The following EXOC2 variants were observed in gnomAD, a reference collection of about 807,000 sequenced individuals.
EXOC2 encodes the protein SEC5-like 1.
In EXOC2, 70 loss-of-function variants were observed where a neutral mutation model predicts 131.8. The observed-to-expected ratio is 0.53, with a 90% CI of 0.44 to 0.65. The LOEUF (loss-of-function observed/expected upper bound fraction) is 0.65. EXOC2 is among the 30% of genes least tolerant of loss of function. The pLI, the probability that EXOC2 is intolerant of heterozygous loss-of-function variation, is 0.00. For synonymous variants in EXOC2, 411 were observed against 398.4 expected, an observed-to-expected ratio of 1.03 and a Z score of -0.38; for missense variants, 923 against 1,108.6, an observed-to-expected ratio of 0.83 and a Z score of 2.38.
At chr6:658,651 ATATATATATATATATT>A in intron 1 of EXOC2, among the ~76,000 whole-genome samples, 2 of 75,816 alleles carry the variant, frequency 2.6e-5, no homozygotes, top group African/African-American at 8.5e-5. Flanking sequence ...TATTTTATAT[ATATATATATATATATT>A]TTTTTTTTTT....
At chr6:579,655 A>T (rs1029262773) in intron 11 of EXOC2, among the ~76,000 whole-genome samples, 3 of 152,248 alleles carry the variant, frequency 2.0e-5, no homozygotes, top group Non-Finnish European at 4.4e-5. Flanking sequence ...TCAAAAAATA[A>T]TCTCAGAATG....
At chr6:654,837 A>AAAAAAAAAAAAAAAG (rs1762996645) in intron 1 of EXOC2, among the ~76,000 whole-genome samples, 1 of 141,140 alleles carries the variant, frequency 7.1e-6, no homozygotes, top group Non-Finnish European at 1.5e-5. Flanking sequence ...AAAAAAAAAA[A>AAAAAAAAAAAAAAAG]GTAGAGCCTT....
chr6:567,881 CA>C (rs1758063087), intron 13 of EXOC2, among the ~76,000 whole-genome samples: 1 of 152,206 alleles, frequency 6.6e-6, no homozygotes, highest in East Asian at 1.9e-4. Flanking sequence ...GCAGATCTGC[CA>C]GGCGTAACCC....
At chr6:656,631 G>A in intron 1 of EXOC2, 1 of 1,605,568 alleles carries the variant, frequency 6.2e-7, no homozygotes, top group Non-Finnish European at 8.5e-7. Flanking sequence ...GCGCTTGTGG[G>A]TCAGCTGCAG....
rs1303017221 is a variant in EXOC2, at chr6:564,712, C to G, written c.1510-10G>C. ...CTTCCTGAATCATTTTCTAGAAAAC[C>G]AGGAACAAGCATAACCGTGTTCAAA... On this transcript the variant is annotated splice_polypyrimidine_tract_variant and intron_variant, in intron 14 of 27. Coordinates refer to ENST00000230449, the MANE Select transcript of EXOC2 (RefSeq NM_018303.6). 4.4e-6 allele frequency: 7 copies of G among 1,585,458 alleles called. No individual in the cohort carries two copies. Among genetic ancestry groups the G allele is most frequent in the Non-Finnish European group, 5.2e-6 (6 of 1,164,928 alleles).
At chr6:588,310 A>T (rs1759329585) in intron 11 of EXOC2, among the ~76,000 whole-genome samples, 1 of 152,252 alleles carries the variant, frequency 6.6e-6, no homozygotes, top group Non-Finnish European at 1.5e-5. Context: ...TTGTATTGTC[A>T]TTAAAACTGT....
At chr6:644,005 GA>G (rs1336284438) in intron 1 of EXOC2, among the ~76,000 whole-genome samples, 1 of 151,942 alleles carries the variant, frequency 6.6e-6, no homozygotes. Flanking sequence ...TCTTCATAAA[GA>G]TTAAATAAAT....
chr6:499,986 T>C (rs1352490158), intron 23 of EXOC2, among the ~76,000 whole-genome samples: 1 of 151,980 alleles, frequency 6.6e-6, no homozygotes, highest in Non-Finnish European at 1.5e-5. Flanking sequence ...TTTAAGAATG[T>C]TCTTCAGTTT....
intron 1 of EXOC2, among the ~76,000 whole-genome samples, chr6:680,280 A>G (rs1302507000): frequency 6.6e-6 from 1 of 152,190 alleles, no homozygotes; most frequent in African/African-American, 2.4e-5. Context: ...ATGGTCTAAA[A>G]GTTATTTTGC....
chr6:586,187 G>A (rs1373311433), intron 11 of EXOC2, among the ~76,000 whole-genome samples: 1 of 152,208 alleles, frequency 6.6e-6, no homozygotes, highest in African/African-American at 2.4e-5. Flanking sequence ...AAACAAGTAA[G>A]TACTCTGTCA....
At position 564,064 on chromosome 6, in the gene EXOC2, G is replaced by A. The variant is rs373563018; in HGVS notation, c.1758C>T (p.Cys586=). The A allele has an allele frequency of 7.4e-6, 12 of 1,613,888 alleles. No homozygotes were observed. The highest frequency in any genetic ancestry group is 4.5e-5 in the East Asian group (2 of 44,898). ...CCGTGTGCTGCAACGTGGCCATTAC[G>A]CAACGTACTCGGAGATCCAAGATGA... ...QDLILDLRVR[C]VMATLQHTAE... is the part of the protein sequence containing the mutation. Residue 586 remains cysteine, a synonymous_variant, in exon 16 of 28, where the codon TGC becomes TGT. Transcript: ENST00000230449.
intron 27 of EXOC2, among the ~76,000 whole-genome samples, chr6:487,372 A>G (rs1019753260): frequency 6.6e-5 from 10 of 152,178 alleles, no homozygotes; most frequent in East Asian, 5.8e-4. Flanking sequence ...CTGATATCGC[A>G]ATCTGTTTCC....
chr6:562,972 A>C (rs1458572682), intron 16 of EXOC2, 127 bp from the exon 17 acceptor site: 1 of 554,248 alleles, frequency 1.8e-6, no homozygotes, highest in South Asian at 5.0e-5. Flanking sequence ...CGATGAAAGT[A>C]GGCAAAGAAT....
intron 13 of EXOC2, among the ~76,000 whole-genome samples, chr6:571,997 T>C (rs1758304934): frequency 6.6e-6 from 1 of 152,228 alleles, no homozygotes; most frequent in Admixed American, 6.5e-5. Flanking sequence ...TTAATAAATG[T>C]GTGACTGCAG....
intron 1 of EXOC2, among the ~76,000 whole-genome samples, chr6:640,014 T>C (rs1226395296): frequency 2.0e-5 from 3 of 152,154 alleles, no homozygotes; most frequent in Non-Finnish European, 2.9e-5. Flanking sequence ...AATGCTCAGA[T>C]GGTAGTTAAT....
chr6:499,583 A>G, intron 24 of EXOC2, 62 bp downstream of exon 24: 2 of 1,401,150 alleles, frequency 1.4e-6, no homozygotes, highest in Non-Finnish European at 2.0e-6. Context: ...TCAAATTTAC[A>G]TCTTTCTTTT....
At chr6:553,595 C>A (rs1173119458) in intron 21 of EXOC2, among the ~76,000 whole-genome samples, 48 of 152,086 alleles carry the variant, frequency 3.2e-4, no homozygotes, top group Non-Finnish European at 2.9e-5. Context: ...TATAAGGGCA[C>A]CCATTTAACA....
intron 22 of EXOC2, among the ~76,000 whole-genome samples, chr6:540,055 G>A (rs939282391): frequency 3.3e-5 from 5 of 152,220 alleles, no homozygotes; most frequent in Non-Finnish European, 5.9e-5. Flanking sequence ...CAGAAGGACA[G>A]CCTGTGTCTC....
chr6:637,064 G>T lies in EXOC2; in HGVS notation c.118+637C>A, dbSNP rs116995643. Among the ~76,000 whole-genome samples the T allele has an allele frequency of 9.3e-4, 142 of 152,286 alleles. 1 individual carries two copies. In the East Asian group the frequency reaches 0.024, roughly 26 times the overall value. The stretch of plus-strand genomic sequence containing the variant: ...TGGAAGGAGGAAGGCTACCATGCAA[G>T]CCAACATCCAGAAATATTTATACCA... On this transcript the variant is annotated intron_variant, in intron 2 of 27. Transcript: ENST00000230449.
Sources: gnomAD v4.1 joint callset for allele counts (sites outside exome capture counted in the v4.1 genomes callset) on GRCh38, gnomAD v4.1.1 for gene constraint, MANE v1.5 for transcripts, NCBI Gene and HGNC (gene_info 2026-07-23, HGNC 2026-07-21) for gene names.